NLRC4: variants seen among roughly 807,000 people sequenced by gnomAD.
NLRC4 encodes the protein NLR family CARD domain containing 4.
A neutral mutation model predicts 79.9 loss-of-function variants in NLRC4; 63 were observed. The ratio of observed to expected loss-of-function variants is 0.79; its 90% confidence interval spans 0.64 to 0.97. NLRC4 has a LOEUF of 0.97. Ranked by LOEUF, NLRC4 falls within the 50% of genes least tolerant of loss-of-function variation. NLRC4 has a pLI of 0.00. For missense variants in NLRC4, 1,074 were observed against 1,215.2 expected, an observed-to-expected ratio of 0.88 and a Z score of 1.73; for synonymous variants, 461 against 456.5, an observed-to-expected ratio of 1.01 and a Z score of -0.12.
chr2:32,263,463 C>T (rs1484057434), intron 1 of NLRC4, among the ~76,000 whole-genome samples: 1 of 152,200 alleles, frequency 6.6e-6, no homozygotes, highest in Non-Finnish European at 1.5e-5. Context: ...TAATAGGCTT[C>T]AGCAATCTCA....
Position 32,250,134 on chromosome 2 carries a change from G to T in NLRC4, c.1730C>A (p.Ala577Asp). The change falls in exon 4 of 9, where the codon GCT becomes GAT. Residue 577 changes from alanine to aspartate, a missense_variant. By Grantham distance (126) the Ala-to-Asp change is moderately radical. Transcript: ENST00000402280. This position sits in a 1 kb window ranked among gnomAD's most constrained non-coding sequence, Gnocchi z 4.9. ...SKSALSQEFE[A>D]FFQGKSLYIN... ...ATATAAGCTTTTACCTTGAAAGAAAGCTTCAAATTCTTGGCTCAGGGCTGA... is the reference window on the plus strand; with the variant it reads ...ATATAAGCTTTTACCTTGAAAGAAATCTTCAAATTCTTGGCTCAGGGCTGA... The T allele has an allele frequency of 6.2e-7, 1 of 1,614,164 alleles. No individual in the cohort carries two copies. Among genetic ancestry groups the T allele is most frequent in the Non-Finnish European group, 8.5e-7 (1 of 1,180,030 alleles).
At chr2:32,236,662 C>G (rs1686680303) in intron 6 of NLRC4, among the ~76,000 whole-genome samples, 1 of 152,152 alleles carries the variant, frequency 6.6e-6, no homozygotes, top group Admixed American at 6.5e-5. Flanking sequence ...GCCTCAATGT[C>G]TTCCTCTATA....
In NLRC4 at chr2:32,251,493, A is replaced by G. The variant is rs188120749; in HGVS notation, c.371T>C (p.Ile124Thr). ...FLNFYPLGED[I>T]DIIFNLKSTF... ...GCTTTTCAAGTTAAAAATAATGTCA[A>G]TATCTTCACCAAGGGGATAAAAGTT... Residue 124 changes from isoleucine to threonine, a missense_variant, in exon 4 of 9, where the codon ATT becomes ACT. Physicochemically the swap from Ile to Thr is moderately conservative, Grantham distance 89. Coordinates refer to ENST00000402280, the MANE Select transcript of NLRC4 (RefSeq NM_001199138.2). 2.2e-5 allele frequency: 35 copies of G among 1,614,026 alleles called. No individual in the cohort carries two copies. Among genetic ancestry groups the G allele is most frequent in the East Asian group, 1.6e-4 (7 of 44,884 alleles).
At chr2:32,264,215 C>T (rs1687415699) in intron 1 of NLRC4, among the ~76,000 whole-genome samples, 1 of 152,002 alleles carries the variant, frequency 6.6e-6, no homozygotes, top group Non-Finnish European at 1.5e-5. Context: ...GTGGGCAGAT[C>T]ACGAGGTCAG....
chr2:32,263,947 C>T (rs919834985), intron 1 of NLRC4, among the ~76,000 whole-genome samples: 1 of 152,122 alleles, frequency 6.6e-6, no homozygotes, highest in Non-Finnish European at 1.5e-5. Flanking sequence ...AGCCAGGCTG[C>T]AAGGATCTAC....
intron 4 of NLRC4, among the ~76,000 whole-genome samples, chr2:32,246,588 A>T (rs1686943139): frequency 6.6e-6 from 1 of 152,246 alleles, no homozygotes; most frequent in African/African-American, 2.4e-5. Context: ...TTCACACCAC[A>T]TAGCAGTTCC....
At chr2:32,264,063 G>A (rs571123187) in intron 1 of NLRC4, among the ~76,000 whole-genome samples, 1 of 152,276 alleles carries the variant, frequency 6.6e-6, no homozygotes, top group South Asian at 2.1e-4. Context: ...TAACTTGGGA[G>A]ATTGGATGGA....
At chr2:32,261,361 G>A (rs1489952750) in intron 1 of NLRC4, among the ~76,000 whole-genome samples, 2 of 93,180 alleles carry the variant, frequency 2.1e-5, no homozygotes, top group Admixed American at 2.6e-4. Context: ...AGCCAGGCTG[G>A]AGTGCAGTGG....
At chr2:32,230,667 T>C (rs1686511801) in intron 8 of NLRC4, among the ~76,000 whole-genome samples, 1 of 152,128 alleles carries the variant, frequency 6.6e-6, no homozygotes, top group African/African-American at 2.4e-5. Context: ...TTTTAATCCA[T>C]TCATTATTTG....
At chr2:32,243,130 G>T (rs895297721) in intron 4 of NLRC4, among the ~76,000 whole-genome samples, 3 of 152,038 alleles carry the variant, frequency 2.0e-5, no homozygotes, top group African/African-American at 7.2e-5. Flanking sequence ...GAAAATTGAG[G>T]CTGGGCGAGG....
intron 8 of NLRC4, 110 bp downstream of exon 8, chr2:32,235,291 T>TA (rs1686645819): frequency 6.3e-5 from 48 of 759,754 alleles, no homozygotes; most frequent in Non-Finnish European, 9.3e-5. Flanking sequence ...ATTTATATTT[T>TA]AAAAAAAAGA....
chr2:32,243,100 A>G (rs1198419682), intron 4 of NLRC4, among the ~76,000 whole-genome samples: 1 of 151,752 alleles, frequency 6.6e-6, no homozygotes, highest in Non-Finnish European at 1.5e-5. Context: ...GAGGGAGGGA[A>G]GGACGGAAAA....
Position 32,238,573 on chromosome 2 carries a change from G to T in NLRC4, c.2351-271C>A, listed in dbSNP as rs182082840. 3.7e-3 allele frequency among the ~76,000 whole-genome samples: 559 copies of T among 152,180 alleles called. 2 individuals are homozygous for T. The highest frequency in any genetic ancestry group is 0.014 in the Middle Eastern group (4 of 294). On this transcript the variant is annotated intron_variant, in intron 5 of 8. Coordinates refer to ENST00000402280, the MANE Select transcript of NLRC4 (RefSeq NM_001199138.2). ...GTAGTAAATTTGTAGTCTTTTTAAT[G>T]GGCATCAATGTATACTCTTACCGTA...
chr2:32,258,262 T>C lies in NLRC4; in HGVS notation c.-118-1369A>G, dbSNP rs910697303. ...TTCCGCCAGCATTCTCCCTTCAACG[T>C]CCTCTGGACGTCCAGCTGCTTGTAT... On this transcript the variant is annotated intron_variant, in intron 1 of 8. Transcript: ENST00000402280. Among the ~76,000 whole-genome samples the C allele has an allele frequency of 3.3e-5, 5 of 152,174 alleles. No homozygotes were observed. The South Asian group carries it at 6.2e-4, about 19-fold the overall frequency.
chr2:32,247,348 C>A (rs212732), intron 4 of NLRC4, among the ~76,000 whole-genome samples: 88,910 of 146,094 alleles, frequency 0.61, 27,174 homozygotes, highest in Admixed American at 0.64. Flanking sequence ...GAGTTTCACT[C>A]TTGTTGCCCA....
chr2:32,261,974 G>C (rs948700343), intron 1 of NLRC4, among the ~76,000 whole-genome samples: 28 of 151,984 alleles, frequency 1.8e-4, no homozygotes, highest in African/African-American at 6.5e-4. Context: ...CCAGCTACTC[G>C]GGAGGCTGAG....
chr2:32,252,398 G>A (rs536210386), intron 3 of NLRC4, 21 bp downstream of exon 3: 25 of 1,577,186 alleles, frequency 1.6e-5, no homozygotes, highest in Non-Finnish European at 2.2e-5. Context: ...AGAAACAGAT[G>A]CAAAACTAAC....
chr2:32,242,671 A>G (rs1405456805), intron 4 of NLRC4, among the ~76,000 whole-genome samples: 1 of 152,206 alleles, frequency 6.6e-6, no homozygotes, highest in Non-Finnish European at 1.5e-5. Context: ...ACTTCCAGAA[A>G]ATAGAAGTAC....
intron 4 of NLRC4, among the ~76,000 whole-genome samples, chr2:32,245,144 T>C (rs1686902113): frequency 6.6e-6 from 1 of 151,728 alleles, no homozygotes; most frequent in Non-Finnish European, 1.5e-5. Flanking sequence ...ACCCTGTCTC[T>C]ATTAAAAAAT....
Sources: allele counts gnomAD v4.1 joint callset (sites outside exome capture counted in the v4.1 genomes callset), GRCh38; gene constraint gnomAD v4.1.1; non-coding constraint Gnocchi (gnomAD v3.1); transcripts MANE v1.5; gene names NCBI Gene and HGNC (gene_info 2026-07-23, HGNC 2026-07-21).